Variants in CABLES1 observed in about 807,000 individuals in gnomAD.
CABLES1 encodes the protein Cdk5 and Abl enzyme substrate 1.
Under a neutral mutation model 57.8 loss-of-function variants are expected in CABLES1, and 36 were observed. The ratio of observed to expected loss-of-function variants is 0.62; its 90% CI spans 0.48 to 0.82. The LOEUF (loss-of-function observed/expected upper bound fraction) is 0.82. Ranked by LOEUF, CABLES1 falls within the 40% of genes least tolerant of loss-of-function variation. CABLES1 has a pLI of 0.00. For missense variants in CABLES1, 767 were observed against 836.6 expected, an observed-to-expected ratio of 0.92 and a Z score of 1.03; for synonymous variants, 374 against 363.0, an observed-to-expected ratio of 1.03 and a Z score of -0.35.
At chr18:23,142,427 C>G (rs565309776) in intron 1 of CABLES1, among the ~76,000 whole-genome samples, 3 of 152,200 alleles carry the variant, frequency 2.0e-5, no homozygotes, top group Middle Eastern at 3.4e-3. Context: ...AGGACATGAT[C>G]TGTAGTAACC....
At chr18:23,207,927 G>A (rs537824142) in intron 3 of CABLES1, among the ~76,000 whole-genome samples, 1 of 152,286 alleles carries the variant, frequency 6.6e-6, no homozygotes, top group East Asian at 1.9e-4. Context: ...TGTGGTATTT[G>A]TGGGCTACTT....
Position 23,140,689 on chromosome 18 carries a change from C to T in CABLES1, c.845+4082C>T, listed in dbSNP as rs184046377. On this transcript the variant is annotated intron_variant, in intron 1 of 9. Coordinates refer to ENST00000256925, the MANE Select transcript of CABLES1 (RefSeq NM_001100619.3). ...CTGACCTCAGGTGATCCACCTACCT[C>T]GGCCTCCCAAAGTGCTGGGATTGTA... 4.5e-3 allele frequency among the ~76,000 whole-genome samples: 681 copies of T among 152,292 alleles called. 2 individuals are homozygous for T. The highest frequency in any genetic ancestry group is 0.015 in the African/African-American group (640 of 41,566).
intron 7 of CABLES1, among the ~76,000 whole-genome samples, chr18:23,247,650 C>T (rs1308646528): frequency 6.6e-6 from 1 of 152,238 alleles, no homozygotes; most frequent in Non-Finnish European, 1.5e-5. Context: ...GTGCACTGGG[C>T]CGCCGGGCAC....
chr18:23,174,120 C>CGT (rs1420490585), intron 1 of CABLES1, among the ~76,000 whole-genome samples: 5 of 152,152 alleles, frequency 3.3e-5, no homozygotes, highest in Admixed American at 3.3e-4. Flanking sequence ...CTCCCCCTCT[C>CGT]GGATCCCAGC....
chr18:23,184,232 C>T (rs1407809069), intron 1 of CABLES1, among the ~76,000 whole-genome samples: 1 of 151,876 alleles, frequency 6.6e-6, no homozygotes, highest in Non-Finnish European at 1.5e-5. Flanking sequence ...GGCATTTGGG[C>T]GTGGATTTTT....
At chr18:23,248,271 C>G (rs1194904195) in intron 7 of CABLES1, among the ~76,000 whole-genome samples, 2 of 152,170 alleles carry the variant, frequency 1.3e-5, no homozygotes, top group African/African-American at 2.4e-5. Context: ...CTTTCTCTGT[C>G]CCCGCCTTCA....
At chr18:23,179,388 A>T (rs1481990448) in intron 1 of CABLES1, among the ~76,000 whole-genome samples, 1 of 152,204 alleles carries the variant, frequency 6.6e-6, no homozygotes, top group African/African-American at 2.4e-5. Flanking sequence ...TTACAAGAAA[A>T]ATCCCAGTGA....
Position 23,135,794 on chromosome 18 carries a change from C to A in CABLES1, c.32C>A (p.Ala11Asp). MAAAAAAATTAACSSGSAGTD... is the reference protein window; with the variant it reads MAAAAAAATTDACSSGSAGTD... Reference sequence around the variant, plus strand: ...GCGGCGGCGGCGGCCGCCACCACGGCCGCCTGCAGCAGCGGCAGCGCCGGC... The same window carrying A: ...GCGGCGGCGGCGGCCGCCACCACGGACGCCTGCAGCAGCGGCAGCGCCGGC... The change falls in exon 1 of 10, where the codon GCC becomes GAC. Residue 11 changes from alanine to aspartate, a missense_variant. Ala to Asp is a moderately radical substitution (Grantham distance 126). This residue lies in a region of CABLES1 where 198 missense variants were observed against 149.7 expected (regional missense o/e 1.32). Transcript: ENST00000256925. The A allele has an allele frequency of 1.0e-6, 1 of 976,276 alleles. No homozygotes were observed. Among genetic ancestry groups the A allele is most frequent in the Non-Finnish European group, 1.2e-6 (1 of 822,456 alleles). 60.5% of individuals were successfully genotyped at this position (976,276 alleles called of 1,614,324 possible). A position where few individuals can be genotyped will look rare whatever the true frequency, so the allele number is the denominator to read the frequency against.
At chr18:23,136,905 C>T (rs2046826828) in intron 1 of CABLES1, among the ~76,000 whole-genome samples, 1 of 152,226 alleles carries the variant, frequency 6.6e-6, no homozygotes, top group South Asian at 2.1e-4. Flanking sequence ...GTCCGAGCCT[C>T]CCCACACGAG....
At chr18:23,194,608 G>A in intron 3 of CABLES1, 68 bp downstream of exon 3, 1 of 1,055,098 alleles carries the variant, frequency 9.5e-7, no homozygotes, top group Non-Finnish European at 1.5e-6. Flanking sequence ...GGAGGGGACA[G>A]TTTTAGTGGC....
intron 4 of CABLES1, among the ~76,000 whole-genome samples, chr18:23,226,399 CT>C (rs1377904831): frequency 3.3e-3 from 249 of 75,874 alleles, no homozygotes; most frequent in Non-Finnish European, 5.7e-3. Flanking sequence ...GAGACTTCAT[CT>C]CAAAAAAAAA....
At chr18:23,200,405 A>G (rs577449567) in intron 3 of CABLES1, among the ~76,000 whole-genome samples, 42 of 152,048 alleles carry the variant, frequency 2.8e-4, no homozygotes, top group South Asian at 2.1e-3. Flanking sequence ...GACTACAGGC[A>G]CCCGCCACCA....
At chr18:23,161,692 C>T (rs2047005509) in intron 1 of CABLES1, among the ~76,000 whole-genome samples, 1 of 143,978 alleles carries the variant, frequency 6.9e-6, no homozygotes, top group East Asian at 2.0e-4. Flanking sequence ...GGGTGGATCA[C>T]AAGGTCAGGA....
intron 3 of CABLES1, chr18:23,197,274 C>T (rs1334386508): frequency 6.6e-6 from 1 of 152,224 alleles, no homozygotes; most frequent in Non-Finnish European, 1.5e-5. Context: ...GGGCCTGAGA[C>T]AGCTCCATGT....
chr18:23,199,963 G>C (rs933191554), intron 3 of CABLES1, among the ~76,000 whole-genome samples: 1 of 152,168 alleles, frequency 6.6e-6, no homozygotes, highest in Non-Finnish European at 1.5e-5. Flanking sequence ...TGATGGTACG[G>C]GTTCAGCAGA....
Position 23,136,402 on chromosome 18 carries a change from T to G in CABLES1, c.640T>G (p.Phe214Val), listed in dbSNP as rs991437774. The change falls in exon 1 of 10, where the codon TTT becomes GTT. Residue 214 changes from phenylalanine (F) to valine (V), a missense_variant. Physicochemically the swap from Phe to Val is conservative, Grantham distance 50. Around this residue, in one of 4 missense-constraint regions of CABLES1, gnomAD observed 529 missense variants for 622.8 expected, o/e 0.85. Transcript: ENST00000256925. ...GGAGGAGTTGGAGGAGGACGATGCC[T>G]TTATCAGCGTGCAGGTGCCGGCGGC... ...GQEELEEDDA[F>V]ISVQVPAAAF... 6.3e-7 allele frequency: 1 copy of G among 1,593,430 alleles called. No individual in the cohort carries two copies. Among genetic ancestry groups the G allele is most frequent in the Non-Finnish European group, 8.5e-7 (1 of 1,171,534 alleles).
chr18:23,159,048 C>T (rs1293272594), intron 1 of CABLES1, among the ~76,000 whole-genome samples: 3 of 152,170 alleles, frequency 2.0e-5, no homozygotes, highest in African/African-American at 4.8e-5. Context: ...TCACTGTAAC[C>T]GCCACCTCTT....
chr18:23,165,608 G>C (rs1257259030), intron 1 of CABLES1, among the ~76,000 whole-genome samples: 1 of 152,014 alleles, frequency 6.6e-6, no homozygotes, highest in Admixed American at 6.6e-5. Flanking sequence ...CATCTAAGTG[G>C]AATCACAGAG....
In CABLES1 at chr18:23,159,937, GTC is replaced by G. The variant is rs2046991818; in HGVS notation, c.845+23335_845+23336del. On this transcript the variant is annotated intron_variant, in intron 1 of 9. Transcript: ENST00000256925. ...ACACCGTTAAGGTGGTAGGGCTCTT[GTC>G]TCTCCGAAGAATCATAAGTAACACT... is the stretch of plus-strand genomic sequence containing the variant. 2.7e-5 allele frequency among the ~76,000 whole-genome samples: 4 copies of G among 149,600 alleles called. No homozygotes were observed. In the South Asian group the frequency reaches 8.4e-4, roughly 31 times the overall value.
Sources: gnomAD v4.1 joint callset for allele counts (sites outside exome capture counted in the v4.1 genomes callset) on GRCh38, gnomAD v4.1.1 for gene constraint, gnomAD v4.1.1 regional missense constraint, MANE v1.5 for transcripts, NCBI Gene and HGNC (gene_info 2026-07-23, HGNC 2026-07-21) for gene names.